Variants in SMARCD2 observed in about 807,000 individuals in gnomAD.
The protein encoded by SMARCD2 is SWI/SNF related BAF chromatin remodeling complex subunit D2.
SMARCD2 carries 39 observed loss-of-function variants against 70.4 expected under a neutral mutation model. That is an observed-to-expected ratio of 0.55 (90% CI 0.43 to 0.72). The LOEUF is 0.72. Among genes scored for constraint, SMARCD2 ranks in the 30% least tolerant of loss-of-function variants. The pLI, the probability that SMARCD2 is intolerant of heterozygous loss-of-function variation, is 0.00. For missense variants in SMARCD2, 540 were observed against 713.4 expected, an observed-to-expected ratio of 0.76 and a Z score of 2.77; for synonymous variants, 249 against 279.4, an observed-to-expected ratio of 0.89 and a Z score of 1.08.
intron 4 of SMARCD2, among the ~76,000 whole-genome samples, chr17:63,836,142 A>G (rs1277599372): frequency 6.6e-6 from 1 of 152,112 alleles, no homozygotes; most frequent in African/African-American, 2.4e-5. Context: ...CACATCTTAC[A>G]TGAAACCCAA....
rs2040237391 is a variant in SMARCD2 at position 63,834,363 on chromosome 17, T to G, written c.922-35A>C. On this transcript the variant is annotated intron_variant, in intron 7 of 12. Coordinates refer to ENST00000448276, the MANE Select transcript of SMARCD2 (RefSeq NM_001098426.2). This position sits in a 1 kb window ranked among gnomAD's most constrained non-coding sequence, Gnocchi z 5.6. ...GATGGAGGGGAGTCAGAACGGGTTCTTATAGTAGAACAGTGGGAAAATAGG... is the reference window on the plus strand; with the variant it reads ...GATGGAGGGGAGTCAGAACGGGTTCGTATAGTAGAACAGTGGGAAAATAGG... The G allele has an allele frequency of 6.2e-7, 1 of 1,600,688 alleles. No homozygotes were observed. The highest frequency in any genetic ancestry group is 8.5e-7 in the Non-Finnish European group (1 of 1,169,814).
Position 63,837,487 on chromosome 17 carries a change from G to A in SMARCD2, c.355C>T (p.Leu119=), listed in dbSNP as rs908527698. The A allele has an allele frequency of 6.3e-7, 1 of 1,591,790 alleles. No homozygotes were observed. Among genetic ancestry groups the A allele is most frequent in the Middle Eastern group, 1.7e-4 (1 of 5,946 alleles). ...GGAGGCTGCGCCTGGGGCACAAGCA[G>A]GCGTTTTCGGAATGGATCCATCATG... ...PTMMDPFRKR[L]LVPQAQPPMP... is the part of the protein sequence containing the mutation. The change falls in exon 2 of 13, where the codon CTG becomes TTG. Residue 119 remains leucine, a synonymous_variant. Transcript: ENST00000448276. The surrounding 1 kb of genome is among the most constrained non-coding windows in gnomAD (Gnocchi z 6.4).
At chr17:63,838,736 G>T in intron 1 of SMARCD2, 2 of 1,304,248 alleles carry the variant, frequency 1.5e-6, no homozygotes, top group Non-Finnish European at 2.0e-6. Flanking sequence ...ACTGTCCCTG[G>T]CAGCTTCACA....
chr17:63,839,857 A>C (rs1409781604), intron 1 of SMARCD2, among the ~76,000 whole-genome samples: 5 of 152,216 alleles, frequency 3.3e-5, no homozygotes. Flanking sequence ...GGCCGGGTGC[A>C]GTGGCTCACG....
chr17:63,836,251 C>CA (rs907535571), intron 4 of SMARCD2, among the ~76,000 whole-genome samples: 1 of 151,944 alleles, frequency 6.6e-6, no homozygotes, highest in Non-Finnish European at 1.5e-5. Flanking sequence ...CGGCTGGGTG[C>CA]AGTGGCTCAC....
intron 4 of SMARCD2, 136 bp downstream of exon 4, chr17:63,836,783 TGAG>T: frequency 9.6e-6 from 7 of 725,938 alleles, no homozygotes; most frequent in Non-Finnish European, 1.7e-5. Context: ...CACATTCAAC[TGAG>T]TTCGTACTCT....
chr17:63,837,549 C>T lies in SMARCD2; in HGVS notation c.293G>A (p.Gly98Asp). 8 of 1,611,596 alleles carry T rather than the reference C, an allele frequency of 5.0e-6. No homozygotes were observed. Among genetic ancestry groups the T allele is most frequent in the Non-Finnish European group, 5.9e-6 (7 of 1,178,898 alleles). The change falls in exon 2 of 13, where the codon GGT becomes GAT. Residue 98 changes from glycine to aspartate, a missense_variant. Coordinates refer to ENST00000448276, the MANE Select transcript of SMARCD2 (RefSeq NM_001098426.2). This position sits in a 1 kb window ranked among gnomAD's most constrained non-coding sequence, Gnocchi z 6.4. ...QVGPPAGSPF[G>D]AAAPLRPGMP... ...GCCAGGTCGAAGCGGAGCTGCTGCA[C>T]CAAATGGGGAGCCAGCAGGGGGTCC...
At chr17:63,841,441 G>A (rs1426499556) in intron 1 of SMARCD2, among the ~76,000 whole-genome samples, 1 of 152,236 alleles carries the variant, frequency 6.6e-6, no homozygotes. Flanking sequence ...AAATGCTTGG[G>A]CACATGGCTT....
At chr17:63,840,332 G>A (rs1904409415) in intron 1 of SMARCD2, among the ~76,000 whole-genome samples, 1 of 135,574 alleles carries the variant, frequency 7.4e-6, no homozygotes, top group Admixed American at 7.0e-5. Flanking sequence ...ACCATGCTTG[G>A]CTAAATTTTT....
intron 4 of SMARCD2, 87 bp from the exon 5 acceptor site, chr17:63,835,654 C>T (rs2040256327): frequency 7.5e-7 from 1 of 1,335,976 alleles, no homozygotes; most frequent in East Asian, 2.3e-5. Context: ...AACCATTCAA[C>T]AATCAGTACT....
intron 1 of SMARCD2, among the ~76,000 whole-genome samples, chr17:63,839,580 C>CAA (rs1425893881): frequency 1.5e-5 from 1 of 64,632 alleles, no homozygotes; most frequent in African/African-American, 1.7e-4. Flanking sequence ...AAAAACAAAA[C>CAA]AAAACAAAAC....
intron 1 of SMARCD2, chr17:63,839,114 A>G: frequency 1.0e-6 from 1 of 985,386 alleles, no homozygotes; most frequent in Non-Finnish European, 1.2e-6. Context: ...AAGGCAAAAG[A>G]CAGCCTCTTT....
chr17:63,836,485 C>A (rs941152555), intron 4 of SMARCD2, among the ~76,000 whole-genome samples: 2 of 124,704 alleles, frequency 1.6e-5, no homozygotes, highest in African/African-American at 6.3e-5. Flanking sequence ...GGTGAAAGAG[C>A]GAGACTCCAT....
chr17:63,833,890 T>C lies in SMARCD2; in HGVS notation c.1181+19A>G, dbSNP rs199849523. 47 of 1,578,094 alleles carry C rather than the reference T, an allele frequency of 3.0e-5. No homozygotes were observed. The highest frequency in any genetic ancestry group is 3.7e-5 in the Non-Finnish European group (43 of 1,147,662). ...ATCTGCTCTTAGAAGAGCCTTCCTG[T>C]CCCCCTCCTTGCATTTACCTAATGA... On this transcript the variant is annotated intron_variant, in intron 9 of 12. Transcript: ENST00000448276. This position sits in a 1 kb window ranked among gnomAD's most constrained non-coding sequence, Gnocchi z 4.3.
At position 63,842,665 on chromosome 17, in the gene SMARCD2, G is replaced by A. The variant is rs1251719291; in HGVS notation, c.10C>T (p.Arg4Ter). The A allele has an allele frequency of 1.5e-6, 2 of 1,292,812 alleles. No homozygotes were observed. The highest frequency in any genetic ancestry group is 2.3e-5 in the South Asian group (1 of 42,902). The allele number at this position is 1,292,812 out of a possible 1,614,324, so 80.1% of individuals were successfully genotyped here. The stretch of plus-strand genomic sequence containing the variant: ...GGCAGCGGGAACCCGCCCGCGCCTC[G>A]GCCCGACATCGCTCCGTCCCGTCCC... The part of the protein sequence containing the change: MSG[R>*]GAGGFPLPPL... The change falls in exon 1 of 13, where the codon CGA (arginine) becomes TGA (stop). Residue 4 changes from arginine (R) to a stop codon, truncating the protein, a stop_gained. Transcript: ENST00000448276. LOFTEE classifies it high-confidence loss of function.
chr17:63,839,989 C>T (rs1208811760), intron 1 of SMARCD2, among the ~76,000 whole-genome samples: 3 of 151,924 alleles, frequency 2.0e-5, no homozygotes, highest in Non-Finnish European at 2.9e-5. Context: ...ATTAGCCGGG[C>T]GTGGTGGTGG....
At position 63,837,401 on chromosome 17, in the gene SMARCD2, A is replaced by G. The variant is rs780057369; in HGVS notation, c.401+40T>C. 1.3e-6 allele frequency: 2 copies of G among 1,565,630 alleles called. No individual in the cohort carries two copies. Among genetic ancestry groups the G allele is most frequent in the East Asian group, 2.2e-5 (1 of 44,556 alleles). On this transcript the variant is annotated intron_variant, in intron 2 of 12. Transcript: ENST00000448276. This position sits in a 1 kb window ranked among gnomAD's most constrained non-coding sequence, Gnocchi z 6.4. ...GAAGGAAACCCTCTGCTACCACCAG[A>G]GCTGAGTTAGGCAGAGTGAGAGAAG...
At position 63,833,394 on chromosome 17, in the gene SMARCD2, G is replaced by C. The variant is rs755115875; in HGVS notation, c.1344C>G (p.Asn448Lys). The change falls in exon 11 of 13, where the codon AAC becomes AAG. Residue 448 changes from asparagine to lysine, a missense_variant. Coordinates refer to ENST00000448276, the MANE Select transcript of SMARCD2 (RefSeq NM_001098426.2). This position sits in a 1 kb window ranked among gnomAD's most constrained non-coding sequence, Gnocchi z 4.3. The stretch of plus-strand genomic sequence containing the variant: ...TGAAATCTCTCTGGGTCTTCAGCTG[G>C]TTGATGGACTCAATGGTCTCATGGA... ...VKIHETIESI[N>K]QLKTQRDFML... is the part of the protein sequence containing the mutation. 3 of 1,614,052 alleles carry C rather than the reference G, an allele frequency of 1.9e-6. No homozygotes were observed. In the East Asian group the frequency reaches 6.7e-5, roughly 36 times the overall value.
Position 63,832,317 on chromosome 17 carries a change from G to C in SMARCD2, c.*621C>G. 1 of 331,520 alleles carries C rather than the reference G, an allele frequency of 3.0e-6. No homozygotes were observed. The highest frequency in any genetic ancestry group is 5.6e-6 in the Non-Finnish European group (1 of 178,574). The allele number at this position is 331,520 out of a possible 1,614,324, so 20.5% of individuals were successfully genotyped here. A position where few individuals can be genotyped will look rare whatever the true frequency, so the allele number is the denominator to read the frequency against. On this transcript the variant is annotated 3_prime_UTR_variant, in exon 13 of 13. Transcript: ENST00000448276. ...GAGAGGCAGCCCTCTGGCATCCCAG[G>C]AGATGATGGCGGCCAGAGCCGCTTG...
Sources: allele counts gnomAD v4.1 joint callset (sites outside exome capture counted in the v4.1 genomes callset), GRCh38; gene constraint gnomAD v4.1.1; non-coding constraint Gnocchi (gnomAD v3.1); transcripts MANE v1.5; gene names NCBI Gene and HGNC (gene_info 2026-07-23, HGNC 2026-07-21).